MYH2: variants seen among roughly 807,000 people sequenced by gnomAD.
The protein encoded by MYH2 is myosin-2.
A neutral mutation model predicts 228.1 loss-of-function variants in MYH2; 139 were observed. That is an observed-to-expected ratio of 0.61 (90% CI 0.53 to 0.70). The LOEUF (loss-of-function observed/expected upper bound fraction) is 0.70. Ranked by LOEUF, MYH2 falls within the 30% of genes least tolerant of loss-of-function variation. MYH2 has a pLI of 0.00. For synonymous variants in MYH2, 796 were observed against 871.1 expected (o/e 0.91, Z 1.52); for missense variants, 1,809 against 2,357.5 (o/e 0.77, Z 4.82).
At chr17:10,544,725 C>G (rs2073602994) in intron 5 of MYH2, among the ~76,000 whole-genome samples, 1 of 152,150 alleles carries the variant, frequency 6.6e-6, no homozygotes, top group African/African-American at 2.4e-5. Context: ...CTCTAAGCCC[C>G]TTCTCAAGGT....
chr17:10,537,162 G>A lies in MYH2; in HGVS notation c.1897+71C>T, dbSNP rs2073490709. 1 of 1,598,562 alleles carries A rather than the reference G, an allele frequency of 6.3e-7. No homozygotes were observed. The highest frequency in any genetic ancestry group is 1.1e-5 in the South Asian group (1 of 90,728). On this transcript the variant is annotated intron_variant, in intron 16 of 39. Transcript: ENST00000245503. This position sits in a 1 kb window ranked among gnomAD's most constrained non-coding sequence, Gnocchi z 4.0. Reference sequence around the variant, plus strand: ...TCTGCAACCCTTCTGCCAGACCTAAGAGATCACTAGCTTCAATTTAACATC... The same window carrying A: ...TCTGCAACCCTTCTGCCAGACCTAAAAGATCACTAGCTTCAATTTAACATC...
At chr17:10,536,272 A>G (rs960201857) in intron 17 of MYH2, among the ~76,000 whole-genome samples, 14 of 152,212 alleles carry the variant, frequency 9.2e-5, no homozygotes, top group African/African-American at 3.1e-4. Context: ...TAAAGAACTT[A>G]TGCATGTAAC....
chr17:10,534,163 T>G (rs1420274454), intron 19 of MYH2, among the ~76,000 whole-genome samples: 1 of 152,142 alleles, frequency 6.6e-6, no homozygotes, highest in Non-Finnish European at 1.5e-5. Flanking sequence ...CACCTCTGCC[T>G]TTTCTTTGAT....
intron 13 of MYH2, 23 bp from the exon 14 acceptor site, chr17:10,539,377 C>T: frequency 6.2e-7 from 1 of 1,614,138 alleles, no homozygotes; most frequent in South Asian, 1.1e-5. Flanking sequence ...AATTATAACT[C>T]TCGAAGTTAT....
chr17:10,536,426 A>G (rs2073482676), intron 17 of MYH2, 104 bp downstream of exon 17: 1 of 910,312 alleles, frequency 1.1e-6, no homozygotes, highest in South Asian at 1.6e-5. Flanking sequence ...GTATATGAAT[A>G]GATAAATATA....
rs76400103 is a variant in MYH2 at position 10,533,344 on chromosome 17, G to T, written c.2382C>A (p.Thr794=). The change falls in exon 21 of 40, where the codon ACC becomes ACA. Residue 794 remains threonine (T), a synonymous_variant. Transcript: ENST00000245503. ...CCAAGAACCCTCTGCACCTGGCCTG[G>T]GTTCGGGTAATCAGCTGGGCCAGCT... ...DDKLAQLITR[T]QARCRGFLAR... 1,469 of 1,614,160 alleles carry T rather than the reference G, an allele frequency of 9.1e-4. 16 individuals are homozygous for T. The African/African-American group carries it at 0.018, about 19-fold the overall frequency.
At chr17:10,530,825 A>C (rs1266617323) in intron 22 of MYH2, among the ~76,000 whole-genome samples, 1 of 152,204 alleles carries the variant, frequency 6.6e-6, no homozygotes, top group Non-Finnish European at 1.5e-5. Flanking sequence ...TACAGGGTAG[A>C]TTTGGAGGGC....
At chr17:10,542,111 T>TAA (rs779917006) in intron 10 of MYH2, among the ~76,000 whole-genome samples, 9 of 152,072 alleles carry the variant, frequency 5.9e-5, no homozygotes, top group Non-Finnish European at 1.2e-4. Flanking sequence ...CCATCTCTAC[T>TAA]AAAACACAAA....
Position 10,533,271 on chromosome 17 carries a change from CAT to C in MYH2, c.2441+12_2441+13del, listed in dbSNP as rs2073444643. 1 of 1,613,814 alleles carries C rather than the reference CAT, an allele frequency of 6.2e-7. No individual in the cohort carries two copies. Among genetic ancestry groups the C allele is most frequent in the Non-Finnish European group, 8.5e-7 (1 of 1,179,988 alleles). On this transcript the variant is annotated intron_variant, in intron 21 of 39. Transcript: ENST00000245503. ...TTTGAAGATGGAATATGTGAATAAA[CAT>C]ATTTTTTATACCTTCTCTCCACCAT...
chr17:10,529,072 A>G lies in MYH2; in HGVS notation c.3362T>C (p.Ile1121Thr), dbSNP rs555708565. The stretch of plus-strand genomic sequence containing the variant: ...CTCGATTTCCTCCTCCAGCTCCTCA[A>G]TGCGGGCCTGGGAATGGTGGAAAAT... ...QKKIKELQAR[I>T]EELEEEIEAE... Residue 1121 changes from isoleucine to threonine, a missense_variant, in exon 27 of 40, where the codon ATT becomes ACT. By Grantham distance (89) the Ile-to-Thr change is moderately conservative. This residue lies in a region of MYH2 where 636 missense variants were observed against 729.9 expected (regional missense o/e 0.87). Coordinates refer to ENST00000245503, the MANE Select transcript of MYH2 (RefSeq NM_017534.6). 2.1e-5 allele frequency: 34 copies of G among 1,613,996 alleles called. No individual in the cohort carries two copies. The highest frequency in any genetic ancestry group is 2.9e-5 in the Non-Finnish European group (34 of 1,180,022).
chr17:10,541,316 G>T (rs144350778), intron 10 of MYH2, among the ~76,000 whole-genome samples: 3 of 152,154 alleles, frequency 2.0e-5, no homozygotes, highest in African/African-American at 7.2e-5. Context: ...AAGAGTATGC[G>T]TTCCTAGGGG....
rs34507957 is a variant in MYH2, at chr17:10,543,401, A to C, written c.742-240T>G. Among the ~76,000 whole-genome samples the C allele has an allele frequency of 0.046, 6,973 of 152,282 alleles. 212 individuals are homozygous for C. Among genetic ancestry groups the C allele is most frequent in the South Asian group, 0.12 (587 of 4,818 alleles). On this transcript the variant is annotated intron_variant, in intron 8 of 39. Transcript: ENST00000245503. ...TGTTAATTAGCATGTTAATCATTCC[A>C]TAATATACACATAACATATATCAAA...
intron 22 of MYH2, among the ~76,000 whole-genome samples, chr17:10,531,215 T>C (rs1567731044): frequency 1.3e-5 from 2 of 152,194 alleles, no homozygotes; most frequent in East Asian, 3.8e-4. Context: ...CTGTCATATG[T>C]CAGCTGTTCC....
chr17:10,548,719 C>T (rs1209819154), intron 2 of MYH2, among the ~76,000 whole-genome samples: 2 of 152,134 alleles, frequency 1.3e-5, no homozygotes, highest in South Asian at 2.1e-4. Context: ...TCCAAATTTT[C>T]CTTTGAAGCA....
rs1373964550 is a variant in MYH2 at position 10,530,091 on chromosome 17, G to T, written c.2698-17C>A. ...TTCGGCTTCCTTAAGTTGGAAACAAGATCAAAATTGGGAAGAAAGAATGAA... is the reference window on the plus strand; with the variant it reads ...TTCGGCTTCCTTAAGTTGGAAACAATATCAAAATTGGGAAGAAAGAATGAA... On this transcript the variant is annotated splice_polypyrimidine_tract_variant and intron_variant, in intron 22 of 39. Coordinates refer to ENST00000245503, the MANE Select transcript of MYH2 (RefSeq NM_017534.6). 6.2e-7 allele frequency: 1 copy of T among 1,614,226 alleles called. No individual in the cohort carries two copies. The highest frequency in any genetic ancestry group is 8.5e-7 in the Non-Finnish European group (1 of 1,180,032).
At chr17:10,540,732 T>A (rs756742458) in intron 10 of MYH2, 35 bp from the exon 11 acceptor site, 1 of 1,510,998 alleles carries the variant, frequency 6.6e-7, no homozygotes, top group East Asian at 2.3e-5. Context: ...ATAAACATAA[T>A]TATCTTCTTC....
At chr17:10,540,469 A>G (rs2073537798) in intron 11 of MYH2, 125 bp downstream of exon 11, 5 of 835,896 alleles carry the variant, frequency 6.0e-6, no homozygotes, top group Non-Finnish European at 9.9e-6. Context: ...ATTTGACTCC[A>G]AGGGGCATGT....
At chr17:10,526,045 G>A (rs764620412) in intron 30 of MYH2, among the ~76,000 whole-genome samples, 169 bp from the exon 31 acceptor site, 4 of 152,120 alleles carry the variant, frequency 2.6e-5, no homozygotes, top group Admixed American at 6.5e-5. Context: ...CACTGGCTAC[G>A]CAGCAGTGAC....
rs2073338205 is a variant in MYH2, at chr17:10,525,365, A to C, written c.4538-17T>G. 9.9e-6 allele frequency: 16 copies of C among 1,614,152 alleles called. No individual in the cohort carries two copies. The highest frequency in any genetic ancestry group is 1.3e-5 in the Non-Finnish European group (15 of 1,180,026). The stretch of plus-strand genomic sequence containing the variant: ...AAATCTCCTCTGTTGTTTGAGTAAA[A>C]GACAGGTAGGGATTTGGTTAAACAT... On this transcript the variant is annotated splice_polypyrimidine_tract_variant and intron_variant, in intron 32 of 39. Transcript: ENST00000245503. The surrounding 1 kb of genome is among the most constrained non-coding windows in gnomAD (Gnocchi z 4.2).
Sources: gnomAD v4.1 joint callset for allele counts (sites outside exome capture counted in the v4.1 genomes callset) on GRCh38, gnomAD v4.1.1 for gene constraint, gnomAD v4.1.1 regional missense constraint, Gnocchi (gnomAD v3.1) non-coding constraint, MANE v1.5 for transcripts, NCBI Gene and HGNC (gene_info 2026-07-23, HGNC 2026-07-21) for gene names.